The following MACROD2 variants were observed in gnomAD, a reference collection of about 807,000 sequenced individuals.
The protein encoded by MACROD2 is ADP-ribose glycohydrolase MACROD2.
In MACROD2, 36 loss-of-function variants were observed where a neutral mutation model predicts 70.4. The observed-to-expected ratio is 0.51, with a 90% CI of 0.39 to 0.68. MACROD2 has a LOEUF of 0.68. Ranked by LOEUF, MACROD2 falls within the 30% of genes least tolerant of loss-of-function variation. The pLI is 0.00. For missense variants in MACROD2, 496 were observed against 538.4 expected, an observed-to-expected ratio of 0.92 and a Z score of 0.78; for synonymous variants, 172 against 178.8, an observed-to-expected ratio of 0.96 and a Z score of 0.30.
At chr20:15,054,891 A>T (rs1455507768) in intron 5 of MACROD2, among the ~76,000 whole-genome samples, 2 of 145,392 alleles carry the variant, frequency 1.4e-5, no homozygotes, top group Non-Finnish European at 3.0e-5. Context: ...CAAGTGATTC[A>T]CCTGTCTCAG....
intron 6 of MACROD2, among the ~76,000 whole-genome samples, chr20:15,330,890 C>A (rs966772837): frequency 5.9e-5 from 9 of 151,752 alleles, no homozygotes; most frequent in East Asian, 3.9e-4. Flanking sequence ...GAAGTAATTT[C>A]TCAGATGGGC....
chr20:14,977,780 C>T (rs756302974), intron 5 of MACROD2, among the ~76,000 whole-genome samples: 63 of 152,170 alleles, frequency 4.1e-4, no homozygotes, highest in African/African-American at 1.3e-3. Context: ...CATCAGAAAA[C>T]GAAACTGGGA....
chr20:15,433,194 T>G (rs1400803531), intron 7 of MACROD2, among the ~76,000 whole-genome samples: 2 of 151,972 alleles, frequency 1.3e-5, no homozygotes, highest in Non-Finnish European at 2.9e-5. Context: ...GCACTGGAAA[T>G]TTTAGCCAGA....
At chr20:14,423,866 G>A (rs1175504611) in intron 3 of MACROD2, among the ~76,000 whole-genome samples, 1 of 146,972 alleles carries the variant, frequency 6.8e-6, no homozygotes, top group African/African-American at 2.5e-5. Context: ...GGGTTCAAGA[G>A]ATTCTCCTGG....
chr20:14,818,092 C>T (rs73897212), intron 5 of MACROD2, among the ~76,000 whole-genome samples: 4,918 of 152,182 alleles, frequency 0.032, 120 homozygotes, highest in Middle Eastern at 0.11. Flanking sequence ...AGGATCATTT[C>T]GTAGTTGTGT....
chr20:15,519,728 A>G lies in MACROD2; in HGVS notation c.645+19881A>G, dbSNP rs150500395. Among the ~76,000 whole-genome samples the G allele has an allele frequency of 1.2e-3, 180 of 152,342 alleles. 1 individual carries two copies. Among genetic ancestry groups the G allele is most frequent in the African/African-American group, 4.1e-3 (172 of 41,588 alleles). On this transcript the variant is annotated intron_variant, in intron 8 of 17. Coordinates refer to ENST00000684519, the MANE Select transcript of MACROD2 (RefSeq NM_001351661.2). ...AGTGACCTCAGTTTAGAAAGCAGTT[A>G]AGATGGGCTGGAAGAATGAGGTAAG...
intron 9 of MACROD2, among the ~76,000 whole-genome samples, chr20:15,867,029 G>C (rs931813793): frequency 3.3e-5 from 5 of 152,156 alleles, no homozygotes; most frequent in Non-Finnish European, 5.9e-5. Context: ...AGAAGCCCAA[G>C]GCCAAGTGGA....
chr20:14,765,858 C>T (rs1474935765), intron 5 of MACROD2, among the ~76,000 whole-genome samples: 4 of 152,002 alleles, frequency 2.6e-5, no homozygotes, highest in South Asian at 2.1e-4. Context: ...AAGTCCACCT[C>T]GAAAGCCTTC....
chr20:15,488,244 C>A (rs1266297588), intron 7 of MACROD2, among the ~76,000 whole-genome samples: 1 of 152,108 alleles, frequency 6.6e-6, no homozygotes, highest in Non-Finnish European at 1.5e-5. Flanking sequence ...TGTATCCTGC[C>A]CTCCAGTGAG....
intron 5 of MACROD2, among the ~76,000 whole-genome samples, chr20:15,085,740 A>G (rs984875989): frequency 2.6e-5 from 4 of 152,010 alleles, no homozygotes; most frequent in Non-Finnish European, 5.9e-5. Context: ...CCACTTTTCA[A>G]TATATTAGAA....
intron 5 of MACROD2, among the ~76,000 whole-genome samples, chr20:14,818,602 A>T (rs933055026): frequency 6.6e-6 from 1 of 152,030 alleles, no homozygotes; most frequent in South Asian, 2.1e-4. Flanking sequence ...GCCTGCCAAA[A>T]TTCTAGTTTT....
At chr20:14,638,087 G>A (rs902319578) in intron 4 of MACROD2, among the ~76,000 whole-genome samples, 1 of 151,592 alleles carries the variant, frequency 6.6e-6, no homozygotes, top group African/African-American at 2.4e-5. Flanking sequence ...GTTCCTTTTT[G>A]TGTTGATGTA....
chr20:14,586,127 A>G (rs1028396899), intron 4 of MACROD2, among the ~76,000 whole-genome samples: 2 of 152,112 alleles, frequency 1.3e-5, no homozygotes, highest in Non-Finnish European at 1.5e-5. Flanking sequence ...GGTTACCAAA[A>G]GGGAAATGTG....
intron 6 of MACROD2, among the ~76,000 whole-genome samples, chr20:15,232,405 C>T (rs2076967075): frequency 6.6e-6 from 1 of 151,986 alleles, no homozygotes; most frequent in South Asian, 2.1e-4. Context: ...ATCAGAGTGG[C>T]TTAGTGTTTG....
chr20:15,745,070 A>G (rs926207353), intron 8 of MACROD2, among the ~76,000 whole-genome samples: 1 of 152,222 alleles, frequency 6.6e-6, no homozygotes, highest in Non-Finnish European at 1.5e-5. Flanking sequence ...TGGTAGCTAC[A>G]GTCCATTTAT....
At chr20:14,753,240 GC>G (rs2071898001) in intron 5 of MACROD2, among the ~76,000 whole-genome samples, 1 of 152,038 alleles carries the variant, frequency 6.6e-6, no homozygotes. Flanking sequence ...AGTGCTGATT[GC>G]TGTGATGAGT....
intron 3 of MACROD2, among the ~76,000 whole-genome samples, chr20:14,435,712 ATT>A (rs66776909): frequency 6.7e-6 from 1 of 148,576 alleles, no homozygotes; most frequent in Admixed American, 6.7e-5. Context: ...TATAGAAGTC[ATT>A]TTTTTTTTTT....
chr20:14,284,725 A>G (rs2082330788), intron 3 of MACROD2, among the ~76,000 whole-genome samples: 1 of 152,166 alleles, frequency 6.6e-6, no homozygotes, highest in Non-Finnish European at 1.5e-5. Context: ...ATCTCAGTGC[A>G]TTTCTTAAAT....
At chr20:15,637,764 C>A (rs2049392980) in intron 8 of MACROD2, among the ~76,000 whole-genome samples, 1 of 152,140 alleles carries the variant, frequency 6.6e-6, no homozygotes, top group South Asian at 2.1e-4. Context: ...ACCATGGCAA[C>A]CCCTCTTCCA....
Sources: gnomAD v4.1 joint callset for allele counts (sites outside exome capture counted in the v4.1 genomes callset) on GRCh38, gnomAD v4.1.1 for gene constraint, MANE v1.5 for transcripts, NCBI Gene and HGNC (gene_info 2026-07-23, HGNC 2026-07-21) for gene names.